The following MED12L variants were observed in gnomAD, a reference collection of about 807,000 sequenced individuals.
The protein encoded by MED12L is mediator complex subunit 12L.
MED12L carries 60 observed loss-of-function variants against 281.3 expected under a neutral mutation model. The observed-to-expected ratio is 0.21, with a 90% CI of 0.17 to 0.26. The LOEUF is 0.26. Among genes scored for constraint, MED12L ranks in the 10% least tolerant of loss-of-function variants. The pLI, the probability that MED12L is intolerant of heterozygous loss-of-function variation, is 1.00. For missense variants in MED12L, 2,146 were observed against 2,680.9 expected, an observed-to-expected ratio of 0.80 and a Z score of 4.41; for synonymous variants, 974 against 987.2, an observed-to-expected ratio of 0.99 and a Z score of 0.25.
At chr3:151,108,658 T>G (rs886943148) in intron 2 of MED12L, among the ~76,000 whole-genome samples, 1 of 152,196 alleles carries the variant, frequency 6.6e-6, no homozygotes, top group Non-Finnish European at 1.5e-5. Flanking sequence ...TCATCCCTGG[T>G]GGACATTTCT....
At chr3:151,389,033 G>A (rs1268597647) in intron 37 of MED12L, among the ~76,000 whole-genome samples, 1 of 152,260 alleles carries the variant, frequency 6.6e-6, no homozygotes, top group African/African-American at 2.4e-5. Context: ...TCTTTTCCTA[G>A]CTGATAGCTT....
intron 16 of MED12L, among the ~76,000 whole-genome samples, chr3:151,251,292 T>G (rs933673805): frequency 1.3e-5 from 2 of 152,170 alleles, no homozygotes; most frequent in African/African-American, 4.8e-5. Context: ...TCTCAATTTG[T>G]GATAATACCA....
At chr3:151,346,212 CCTTT>C (rs941282038) in intron 16 of MED12L, among the ~76,000 whole-genome samples, 8 of 151,978 alleles carry the variant, frequency 5.3e-5, no homozygotes, top group African/African-American at 9.7e-5. Flanking sequence ...GAAAGATGTT[CCTTT>C]CTTTCTTTCC....
chr3:151,284,287 T>G (rs966414863), intron 16 of MED12L, among the ~76,000 whole-genome samples: 2 of 146,720 alleles, frequency 1.4e-5, no homozygotes, highest in African/African-American at 2.5e-5. Context: ...GTTTTGTTTG[T>G]TTTTTTTTTT....
chr3:151,313,022 A>G (rs560271228), intron 16 of MED12L, among the ~76,000 whole-genome samples: 9 of 152,234 alleles, frequency 5.9e-5, no homozygotes, highest in Non-Finnish European at 1.3e-4. Flanking sequence ...TTGGAATACA[A>G]TATACTTGGG....
intron 23 of MED12L, among the ~76,000 whole-genome samples, chr3:151,366,865 G>GT (rs1195814549): frequency 3.3e-5 from 5 of 151,924 alleles, no homozygotes; most frequent in African/African-American, 4.8e-5. Context: ...TCTCTTAGTT[G>GT]TTTTTTTAAA....
intron 16 of MED12L, chr3:151,294,567 T>C (rs1442885803): frequency 9.3e-6 from 15 of 1,614,062 alleles, no homozygotes; most frequent in Non-Finnish European, 1.3e-5. Context: ...GATATGGCTA[T>C]GTAACATCCG....
At chr3:151,151,030 G>GTTTTTTTTTTTT (rs1342933481) in intron 5 of MED12L, among the ~76,000 whole-genome samples, 10 of 11,800 alleles carry the variant, frequency 8.5e-4, no homozygotes, top group Non-Finnish European at 1.5e-3. Context: ...TGCTGAAGTA[G>GTTTTTTTTTTTT]CTTTTTTTTT....
At chr3:151,097,559 C>T (rs1720877761) in intron 2 of MED12L, among the ~76,000 whole-genome samples, 1 of 152,276 alleles carries the variant, frequency 6.6e-6, no homozygotes. Context: ...TCCACAAATG[C>T]TAAGAGCATT....
intron 4 of MED12L, 136 bp downstream of exon 4, chr3:151,123,110 G>T: frequency 3.0e-6 from 2 of 673,892 alleles, no homozygotes; most frequent in Non-Finnish European, 4.9e-6. Context: ...TCCCAGGTGG[G>T]TGTTACTCCA....
At chr3:151,119,749 G>T (rs1053431084) in intron 3 of MED12L, among the ~76,000 whole-genome samples, 1 of 151,964 alleles carries the variant, frequency 6.6e-6, no homozygotes, top group South Asian at 2.1e-4. Context: ...TTACACTTCC[G>T]CTACCACTCT....
At chr3:151,290,195 C>T (rs889688714) in intron 16 of MED12L, among the ~76,000 whole-genome samples, 1 of 152,160 alleles carries the variant, frequency 6.6e-6, no homozygotes, top group Non-Finnish European at 1.5e-5. Flanking sequence ...CGTACTCTAA[C>T]ATAATTCAAA....
At chr3:151,214,749 A>G (rs1168980605) in intron 16 of MED12L, among the ~76,000 whole-genome samples, 3 of 152,124 alleles carry the variant, frequency 2.0e-5, no homozygotes, top group African/African-American at 7.2e-5. Context: ...ATGCCCCTAA[A>G]ATAATAATGG....
chr3:151,266,238 C>G lies in MED12L; in HGVS notation c.2250+72572C>G, dbSNP rs747409580. Among the ~76,000 whole-genome samples the G allele has an allele frequency of 2.6e-5, 4 of 152,150 alleles. No individual in the cohort carries two copies. In the South Asian group the frequency reaches 6.2e-4, roughly 24 times the overall value. On this transcript the variant is annotated intron_variant, in intron 16 of 44. Transcript: ENST00000687756. Reference sequence around the variant, plus strand: ...AAATAAGTAGATGTCCCTTCATGACCTCAATTTCCAAGGTATTCAACATCT... The same window carrying G: ...AAATAAGTAGATGTCCCTTCATGACGTCAATTTCCAAGGTATTCAACATCT...
chr3:151,237,452 C>A (rs1254988131), intron 16 of MED12L, among the ~76,000 whole-genome samples: 2 of 139,360 alleles, frequency 1.4e-5, no homozygotes, highest in African/African-American at 2.7e-5. Flanking sequence ...TGGGTTCAAG[C>A]GATTCTCCTG....
At chr3:151,364,610 T>C (rs1474199948) in intron 21 of MED12L, among the ~76,000 whole-genome samples, 1 of 152,216 alleles carries the variant, frequency 6.6e-6, no homozygotes, top group Non-Finnish European at 1.5e-5. Context: ...GAATCTTTTT[T>C]TATTTTTAAG....
chr3:151,090,313 A>G (rs150274853), intron 2 of MED12L, among the ~76,000 whole-genome samples: 9 of 152,304 alleles, frequency 5.9e-5, no homozygotes, highest in African/African-American at 1.9e-4. Flanking sequence ...TTAGAACAGA[A>G]TCTGTCATAG....
chr3:151,417,197 A>G (rs1374186857), intron 43 of MED12L, among the ~76,000 whole-genome samples: 1 of 152,202 alleles, frequency 6.6e-6, no homozygotes, highest in African/African-American at 2.4e-5. Context: ...AATGAGCCCT[A>G]CCTACGATGA....
At chr3:151,371,873 G>A (rs1358177870) in intron 26 of MED12L, among the ~76,000 whole-genome samples, 2 of 152,114 alleles carry the variant, frequency 1.3e-5, no homozygotes, top group Non-Finnish European at 2.9e-5. Flanking sequence ...ATTCTGTTTA[G>A]TTTCTTTCCC....
Sources: gnomAD v4.1 joint callset for allele counts (sites outside exome capture counted in the v4.1 genomes callset) on GRCh38, gnomAD v4.1.1 for gene constraint, MANE v1.5 for transcripts, NCBI Gene and HGNC (gene_info 2026-07-23, HGNC 2026-07-21) for gene names.